ASPH: variants seen among roughly 807,000 people sequenced by gnomAD.
ASPH encodes aspartyl/asparaginyl beta-hydroxylase.
ASPH carries 100 observed loss-of-function variants against 118.4 expected under a neutral mutation model. The ratio of observed to expected loss-of-function variants is 0.84; its 90% CI spans 0.72 to 1.00. The LOEUF (loss-of-function observed/expected upper bound fraction) is 1.00. ASPH is among the 50% of genes least tolerant of loss of function. The pLI, the probability that ASPH is intolerant of heterozygous loss-of-function variation, is 0.00. For synonymous variants in ASPH, 315 were observed against 325.6 expected (o/e 0.97, Z 0.35); for missense variants, 920 against 919.5 (o/e 1.00, Z -0.01).
chr8:61,647,348 T>C (rs758684730), intron 5 of ASPH, among the ~76,000 whole-genome samples: 3 of 152,176 alleles, frequency 2.0e-5, no homozygotes, highest in Non-Finnish European at 4.4e-5. Context: ...AAATATTCTA[T>C]AGCAAAGAGT....
Position 61,504,295 on chromosome 8 carries a change from C to T in ASPH, c.2127-786G>A, listed in dbSNP as rs1395933697. On this transcript the variant is annotated intron_variant, in intron 24 of 24. Transcript: ENST00000379454. ...TTATTTTAAAAATAGATATTAACTGCCAATATATTAAATACCAAGTTATGT... is the reference window on the plus strand; with the variant it reads ...TTATTTTAAAAATAGATATTAACTGTCAATATATTAAATACCAAGTTATGT... Among the ~76,000 whole-genome samples the T allele has an allele frequency of 3.3e-5, 5 of 152,110 alleles. No homozygotes were observed. In the South Asian group the frequency reaches 6.2e-4, roughly 19 times the overall value.
intron 13 of ASPH, among the ~76,000 whole-genome samples, chr8:61,628,953 T>C (rs1015038677): frequency 3.3e-5 from 5 of 152,190 alleles, no homozygotes; most frequent in Non-Finnish European, 7.3e-5. Flanking sequence ...CTACTAAGAA[T>C]GTAAAGTCAA....
intron 14 of ASPH, among the ~76,000 whole-genome samples, chr8:61,609,982 G>A (rs1165498451): frequency 6.6e-6 from 1 of 152,148 alleles, no homozygotes; most frequent in Non-Finnish European, 1.5e-5. Context: ...AATAGACAAT[G>A]TGTTCATAAA....
At position 61,684,194 on chromosome 8, in the gene ASPH, T is replaced by C. The variant is rs751459181; in HGVS notation, c.104-6A>G. On this transcript the variant is annotated splice_polypyrimidine_tract_variant and splice_region_variant and intron_variant, in intron 1 of 24. Coordinates refer to ENST00000379454, the MANE Select transcript of ASPH (RefSeq NM_004318.4). ...GTGTCCTCCATGCTTTGTCTCTGTT[T>C]AGAAATAAATGTAAGATATCATAAG... 1.3e-4 allele frequency: 209 copies of C among 1,605,814 alleles called. No individual in the cohort carries two copies. The highest frequency in any genetic ancestry group is 1.7e-4 in the Middle Eastern group (1 of 6,020).
chr8:61,650,242 A>C (rs1179350451), intron 5 of ASPH, among the ~76,000 whole-genome samples: 1 of 152,186 alleles, frequency 6.6e-6, no homozygotes, highest in Non-Finnish European at 1.5e-5. Flanking sequence ...CCGAGCTGCA[A>C]AGAAGCTAGA....
chr8:61,584,354 A>G (rs1447857140), intron 14 of ASPH, among the ~76,000 whole-genome samples: 1 of 152,186 alleles, frequency 6.6e-6, no homozygotes, highest in Non-Finnish European at 1.5e-5. Context: ...CTCATAATCT[A>G]CTTCTTGGCT....
intron 17 of ASPH, among the ~76,000 whole-genome samples, chr8:61,565,030 TAA>T (rs1831212171): frequency 6.6e-5 from 10 of 152,194 alleles, no homozygotes; most frequent in Non-Finnish European, 4.4e-5. Flanking sequence ...TGAAGTTAGC[TAA>T]CAGCTAGTCT....
rs1333841479 is a variant in ASPH at position 61,630,767 on chromosome 8, C to T, written c.934+2916G>A. On this transcript the variant is annotated intron_variant, in intron 13 of 24. Transcript: ENST00000379454. ...TAATAAAGGACTGTTAATGGTTTTA[C>T]TCTCCTATACTTTTACGGTTCTTTT... Among the ~76,000 whole-genome samples, 6 of 152,296 alleles carry T rather than the reference C, an allele frequency of 3.9e-5. No homozygotes were observed. In the East Asian group the frequency reaches 1.2e-3, roughly 29 times the overall value.
intron 1 of ASPH, among the ~76,000 whole-genome samples, chr8:61,701,907 G>C (rs1338428323): frequency 6.6e-6 from 1 of 152,120 alleles, no homozygotes; most frequent in Non-Finnish European, 1.5e-5. Context: ...AACATTCTTA[G>C]TAGCTGAAAT....
intron 14 of ASPH, among the ~76,000 whole-genome samples, chr8:61,597,746 GA>G (rs796843319): frequency 6.6e-6 from 1 of 152,030 alleles, no homozygotes; most frequent in South Asian, 2.1e-4. Context: ...AGAGCTGAAA[GA>G]AAAAAAATTG....
chr8:61,607,343 G>A, intron 14 of ASPH: 1 of 697,198 alleles, frequency 1.4e-6, no homozygotes, highest in African/African-American at 1.8e-5. Context: ...AAGTGTGTCG[G>A]AATATATATA....
rs1179176159 is a variant in ASPH, at chr8:61,560,459, T to C, written c.1437+2285A>G. ...GAAAAATATAAAATTACAATGTCTG[T>C]TTTCTAAAAATGATCTTTAACATAA... On this transcript the variant is annotated intron_variant, in intron 18 of 24. Transcript: ENST00000379454. 3.3e-5 allele frequency among the ~76,000 whole-genome samples: 5 copies of C among 152,184 alleles called. No homozygotes were observed. The East Asian group carries it at 9.6e-4, about 29-fold the overall frequency.
chr8:61,517,161 G>A (rs939504895), intron 24 of ASPH: 1 of 180,996 alleles, frequency 5.5e-6, no homozygotes, highest in African/African-American at 2.3e-5. Context: ...GGTACTTCTT[G>A]TAGTCATGAA....
Position 61,651,089 on chromosome 8 carries a change from T to C in ASPH, c.451A>G (p.Ile151Val). The part of the protein sequence containing the change: ...QNIEDEAKEQ[I>V]QSLLHEMVHA... ...ACCATTTCATGGAGAAGGGACTGAA[T>C]TTGTTCTTTTGCTTCATCTTCGATA... The change falls in exon 5 of 25, where the codon ATT becomes GTT. Residue 151 changes from isoleucine (I) to valine (V), a missense_variant. Transcript: ENST00000379454. The C allele has an allele frequency of 1.2e-6, 2 of 1,613,854 alleles. No individual in the cohort carries two copies. Among genetic ancestry groups the C allele is most frequent in the Non-Finnish European group, 1.7e-6 (2 of 1,179,892 alleles).
rs536986473 is a variant in ASPH, at chr8:61,541,307, C to T, written c.1764+6764G>A. Among the ~76,000 whole-genome samples, 96 of 152,084 alleles carry T rather than the reference C, an allele frequency of 6.3e-4. 1 individual carries two copies. In the Middle Eastern group the frequency reaches 0.027, roughly 43 times the overall value. On this transcript the variant is annotated intron_variant, in intron 21 of 24. Coordinates refer to ENST00000379454, the MANE Select transcript of ASPH (RefSeq NM_004318.4). ...TGAACCCGCGAGGCGGAGCTTGCAGCGAGCTGAGATTGCGCCACTGCACTC... is the reference window on the plus strand; with the variant it reads ...TGAACCCGCGAGGCGGAGCTTGCAGTGAGCTGAGATTGCGCCACTGCACTC...
intron 3 of ASPH, among the ~76,000 whole-genome samples, chr8:61,671,277 G>A (rs1379874213): frequency 6.6e-6 from 1 of 152,106 alleles, no homozygotes; most frequent in Non-Finnish European, 1.5e-5. Context: ...GTGCCAAAAT[G>A]CCACAAGCAT....
chr8:61,562,364 A>AG (rs1429440812), intron 18 of ASPH, among the ~76,000 whole-genome samples: 1 of 143,272 alleles, frequency 7.0e-6, no homozygotes, highest in African/African-American at 2.6e-5. Context: ...CTGCCAAAAA[A>AG]AAAAAAAAAA....
At chr8:61,506,359 T>C (rs78364262) in intron 24 of ASPH, among the ~76,000 whole-genome samples, 1,564 of 152,254 alleles carry the variant, frequency 0.01, 37 homozygotes, top group African/African-American at 0.035. Context: ...ATGGGTATAG[T>C]TTCAGTTTTG....
At chr8:61,594,729 T>A (rs1047635204) in intron 14 of ASPH, among the ~76,000 whole-genome samples, 2 of 152,226 alleles carry the variant, frequency 1.3e-5, no homozygotes, top group African/African-American at 4.8e-5. Context: ...GTGACTAATT[T>A]ATAGATTAAG....
Sources: allele counts gnomAD v4.1 joint callset (sites outside exome capture counted in the v4.1 genomes callset), GRCh38; gene constraint gnomAD v4.1.1; transcripts MANE v1.5; gene names NCBI Gene and HGNC (gene_info 2026-07-23, HGNC 2026-07-21).